The following IL17F variants were observed in gnomAD, a reference collection of about 807,000 sequenced individuals.
IL17F encodes interleukin-17F.
Under a neutral mutation model 8.3 loss-of-function variants are expected in IL17F, and 6 were observed. The observed-to-expected ratio is 0.73, with a 90% CI of 0.40 to 1.43. The LOEUF (loss-of-function observed/expected upper bound fraction) is 1.43, where lower values mean the gene tolerates loss of function less well. Among genes scored for constraint, IL17F ranks in the 40% most tolerant of loss-of-function variants. The pLI is 0.02. For missense variants in IL17F, 204 were observed against 209.6 expected (o/e 0.97, Z 0.17); for synonymous variants, 98 against 81.6 (o/e 1.20, Z -1.08).
chr6:52,242,650 G>A (rs1404673159), intron 1 of IL17F, among the ~76,000 whole-genome samples: 2 of 152,218 alleles, frequency 1.3e-5, no homozygotes, highest in African/African-American at 4.8e-5. Context: ...GCTTAGATTG[G>A]TGTACCAGTT....
At chr6:52,241,686 A>C (rs1264324666) in intron 1 of IL17F, among the ~76,000 whole-genome samples, 77 of 152,204 alleles carry the variant, frequency 5.1e-4, no homozygotes. Context: ...GGATTTTCAC[A>C]ACTACCTGGT....
At chr6:52,240,170 C>T (rs1008375716) in intron 1 of IL17F, among the ~76,000 whole-genome samples, 7 of 152,202 alleles carry the variant, frequency 4.6e-5, no homozygotes, top group African/African-American at 1.7e-4. Context: ...GGTGCAGTGG[C>T]TCACGCCTGT....
rs1436156723 is a variant in IL17F, at chr6:52,238,869, T to C, written c.115A>G (p.Thr39Ala). The change falls in exon 2 of 3, where the codon ACT (threonine) becomes GCT (alanine). Residue 39 changes from threonine to alanine, a missense_variant. Coordinates refer to ENST00000336123, the MANE Select transcript of IL17F (RefSeq NM_052872.4). The stretch of plus-strand genomic sequence containing the variant: ...CAACTCTCAGGCTTTTGGAAAAAAG[T>C]ATGTCCTACTTTGGGGATTTTCCGA... ...AARKIPKVGH[T>A]FFQKPESCPP... 2 of 1,613,946 alleles carry C rather than the reference T, an allele frequency of 1.2e-6. No homozygotes were observed. Among genetic ancestry groups the C allele is most frequent in the Non-Finnish European group, 1.7e-6 (2 of 1,179,894 alleles).
At chr6:52,240,013 C>G (rs187535162) in intron 1 of IL17F, among the ~76,000 whole-genome samples, 65 of 152,240 alleles carry the variant, frequency 4.3e-4, no homozygotes, top group African/African-American at 1.3e-3. Context: ...CACTGAAGAC[C>G]TAATGAAAAG....
intron 1 of IL17F, among the ~76,000 whole-genome samples, chr6:52,239,403 T>C (rs186546535): frequency 6.6e-6 from 1 of 152,302 alleles, no homozygotes; most frequent in East Asian, 1.9e-4. Context: ...TTGTTTTTAT[T>C]TCCAACTTGA....
chr6:52,241,080 T>TTGTG (rs1276352097), intron 1 of IL17F, among the ~76,000 whole-genome samples: 2 of 151,740 alleles, frequency 1.3e-5, no homozygotes, highest in African/African-American at 4.9e-5. Flanking sequence ...GTTTGTTTGT[T>TTGTG]TGTTTGTTTG....
chr6:52,238,145 C>G (rs2128267650), intron 2 of IL17F, among the ~76,000 whole-genome samples: 1 of 152,330 alleles, frequency 6.6e-6, no homozygotes, highest in Middle Eastern at 3.4e-3. Flanking sequence ...ACATGAGAAG[C>G]TATGTGACAA....
At chr6:52,245,560 G>C (rs1764145828), upstream of IL17F, among the ~76,000 whole-genome samples, 1 of 152,228 alleles carries the variant, frequency 6.6e-6, no homozygotes, top group Non-Finnish European at 1.5e-5. Context: ...AAGCACAGAA[G>C]TGTTCTTTCC....
chr6:52,238,317 C>T (rs1452267401), intron 2 of IL17F, among the ~76,000 whole-genome samples: 1 of 152,236 alleles, frequency 6.6e-6, no homozygotes, highest in Non-Finnish European at 1.5e-5. Context: ...ACTGGCCTTT[C>T]TCCTCCACTC....
intron 1 of IL17F, among the ~76,000 whole-genome samples, chr6:52,240,055 T>C (rs1764044110): frequency 6.6e-6 from 1 of 152,220 alleles, no homozygotes; most frequent in African/African-American, 2.4e-5. Flanking sequence ...ATTCCCTTTG[T>C]CACAACCATG....
chr6:52,242,185 C>T (rs976618669), intron 1 of IL17F, among the ~76,000 whole-genome samples: 3 of 152,136 alleles, frequency 2.0e-5, no homozygotes, highest in Non-Finnish European at 2.9e-5. Flanking sequence ...GAATAGATAT[C>T]GCTCTCAATC....
chr6:52,244,357 G>T, intron 1 of IL17F, 40 bp downstream of exon 1: 6 of 1,597,114 alleles, frequency 3.8e-6, no homozygotes, highest in Non-Finnish European at 5.2e-6. Flanking sequence ...GAAATCCTAG[G>T]CATGACAGTC....
At chr6:52,237,568 T>C (rs562109537) in intron 2 of IL17F, among the ~76,000 whole-genome samples, 1 of 152,140 alleles carries the variant, frequency 6.6e-6, no homozygotes, top group East Asian at 1.9e-4. Context: ...CTTCCATCAC[T>C]AGTCGGTCTA....
chr6:52,243,919 GC>G (rs1339525116), intron 1 of IL17F, among the ~76,000 whole-genome samples: 2 of 152,118 alleles, frequency 1.3e-5, no homozygotes, highest in Non-Finnish European at 2.9e-5. Flanking sequence ...ACTGACCCAT[GC>G]CCAGCTAATT....
Position 52,238,810 on chromosome 6 carries a change from G to A in IL17F, c.174C>T (p.Asp58=), listed in dbSNP as rs889879171. Residue 58 remains aspartate, a synonymous_variant, in exon 2 of 3, where the codon GAC becomes GAT. Transcript: ENST00000336123. The part of the protein sequence containing the change: ...PPVPGGSMKL[D]IGIINENQRV... ...GCTGGTTTTCATTGATGATGCCAAT[G>A]TCAAGCTTCATACTACCTCCTGGCA... 19 of 1,614,032 alleles carry A rather than the reference G, an allele frequency of 1.2e-5. No individual in the cohort carries two copies. Among genetic ancestry groups the A allele is most frequent in the Non-Finnish European group, 1.5e-5 (18 of 1,180,002 alleles).
At chr6:52,242,210 C>T (rs930891412) in intron 1 of IL17F, among the ~76,000 whole-genome samples, 1 of 152,126 alleles carries the variant, frequency 6.6e-6, no homozygotes, top group African/African-American at 2.4e-5. Context: ...TAATAGGGGA[C>T]AGGGGCAAGG....
intron 2 of IL17F, among the ~76,000 whole-genome samples, chr6:52,238,362 G>C (rs612242): frequency 0.12 from 19,018 of 152,208 alleles, 3,434 homozygotes; most frequent in African/African-American, 0.4. Flanking sequence ...TCTAATCTGA[G>C]TGAATCTCCT....
Position 52,244,475 on chromosome 6 carries a change from G to GT in IL17F, c.-47dup. The GT allele has an allele frequency of 6.3e-7, 1 of 1,583,364 alleles. No individual in the cohort carries two copies. The highest frequency in any genetic ancestry group is 1.3e-5 in the African/African-American group (1 of 74,388). On this transcript the variant is annotated 5_prime_UTR_variant, in exon 1 of 3. Coordinates refer to ENST00000336123, the MANE Select transcript of IL17F (RefSeq NM_052872.4). ...TGTGCAGGAAGCTCTTTCTGTGAAT[G>GT]TATCTTCCTGTGTATGCCTGTGTTC...
intron 1 of IL17F, among the ~76,000 whole-genome samples, chr6:52,243,227 G>GA (rs1040702117): frequency 6.6e-6 from 1 of 152,002 alleles, no homozygotes; most frequent in Admixed American, 6.5e-5. Context: ...TGTAAAAGGA[G>GA]AAAAAAAGGA....
Sources: gnomAD v4.1 joint callset for allele counts (sites outside exome capture counted in the v4.1 genomes callset) on GRCh38, gnomAD v4.1.1 for gene constraint, MANE v1.5 for transcripts, NCBI Gene and HGNC (gene_info 2026-07-23, HGNC 2026-07-21) for gene names.